PTPRD: variants seen among roughly 807,000 people sequenced by gnomAD.
The protein encoded by PTPRD is receptor-type tyrosine-protein phosphatase delta.
In PTPRD, 34 loss-of-function variants were observed where a neutral mutation model predicts 214.5. The ratio of observed to expected loss-of-function variants is 0.16; its 90% CI spans 0.12 to 0.21. The LOEUF (loss-of-function observed/expected upper bound fraction) is 0.21. PTPRD is among the 10% of genes least tolerant of loss of function. The probability of loss-of-function intolerance (pLI) is 1.00; values close to 1 mark genes in which losing one functional copy is unlikely to be tolerated. For synonymous variants in PTPRD, 1,128 were observed against 845.7 expected, an observed-to-expected ratio of 1.33 and a Z score of -5.79; for missense variants, 2,545 against 2,398.7, an observed-to-expected ratio of 1.06 and a Z score of -1.27.
chr9:8,795,342 T>C (rs2096380314), intron 11 of PTPRD, among the ~76,000 whole-genome samples: 1 of 152,068 alleles, frequency 6.6e-6, no homozygotes, highest in South Asian at 2.1e-4. Context: ...TTTTTTCTAT[T>C]TTTTAGTAGA....
intron 3 of PTPRD, among the ~76,000 whole-genome samples, chr9:10,268,318 A>AATAATAATAATG (rs772093786): frequency 6.0e-5 from 8 of 134,310 alleles, no homozygotes. Context: ...TAATAATAAT[A>AATAATAATAATG]ACGATAATAA....
chr9:8,396,491 A>C (rs1256314372), intron 36 of PTPRD, among the ~76,000 whole-genome samples: 2 of 151,658 alleles, frequency 1.3e-5, no homozygotes, highest in Non-Finnish European at 2.9e-5. Flanking sequence ...GATTCATTAG[A>C]GTAAGCTGCA....
At chr9:8,907,281 A>G (rs899524122) in intron 11 of PTPRD, among the ~76,000 whole-genome samples, 2 of 152,114 alleles carry the variant, frequency 1.3e-5, no homozygotes, top group African/African-American at 4.8e-5. Flanking sequence ...AGGCAAAGAA[A>G]CAAGACAATA....
At chr9:8,443,715 C>T (rs1289499223) in intron 34 of PTPRD, among the ~76,000 whole-genome samples, 2 of 152,106 alleles carry the variant, frequency 1.3e-5, no homozygotes, top group Non-Finnish European at 2.9e-5. Context: ...ACAGGGACAG[C>T]AGACACTTTA....
intron 2 of PTPRD, among the ~76,000 whole-genome samples, chr9:10,403,325 G>C (rs1664621050): frequency 6.9e-6 from 1 of 144,066 alleles, no homozygotes; most frequent in Non-Finnish European, 1.5e-5. Context: ...TGTAAAGATT[G>C]AATGAAAATC....
intron 37 of PTPRD, among the ~76,000 whole-genome samples, chr9:8,382,225 C>T (rs987003984): frequency 2.6e-5 from 4 of 152,226 alleles, no homozygotes; most frequent in Admixed American, 2.0e-4. Context: ...ACCAGTTGAA[C>T]ATCAGCCTTT....
At chr9:9,297,169 A>G (rs142697778) in intron 9 of PTPRD, among the ~76,000 whole-genome samples, 14 of 151,852 alleles carry the variant, frequency 9.2e-5, no homozygotes, top group African/African-American at 3.4e-4. Flanking sequence ...CTTTATCTCC[A>G]GAGCCTCTTG....
At chr9:8,372,168 A>T (rs914166902) in intron 39 of PTPRD, among the ~76,000 whole-genome samples, 1 of 152,134 alleles carries the variant, frequency 6.6e-6, no homozygotes, top group East Asian at 1.9e-4. Context: ...AAATATGTAC[A>T]TTTGAAAAAA....
chr9:8,449,538 C>T (rs74859721), intron 34 of PTPRD, among the ~76,000 whole-genome samples, 187 bp downstream of exon 34: 277 of 152,266 alleles, frequency 1.8e-3, no homozygotes, highest in African/African-American at 6.2e-3. Context: ...ACCCAATTTC[C>T]GGTTTGCAGA....
At chr9:9,166,531 T>C (rs1042434111) in intron 10 of PTPRD, among the ~76,000 whole-genome samples, 1 of 152,152 alleles carries the variant, frequency 6.6e-6, no homozygotes, top group Non-Finnish European at 1.5e-5. Flanking sequence ...CCCAAGGAAA[T>C]GCTTATGAAT....
At chr9:10,075,689 G>T (rs1185761738) in intron 3 of PTPRD, among the ~76,000 whole-genome samples, 1 of 151,068 alleles carries the variant, frequency 6.6e-6, no homozygotes, top group African/African-American at 2.4e-5. Flanking sequence ...GGGGGGGAGG[G>T]GGAAAATTGG....
intron 11 of PTPRD, among the ~76,000 whole-genome samples, chr9:8,737,053 C>T (rs138017866): frequency 2.3e-4 from 35 of 152,224 alleles, no homozygotes; most frequent in African/African-American, 7.2e-4. Context: ...ATAATGACTC[C>T]GTGTGATCAC....
intron 31 of PTPRD, among the ~76,000 whole-genome samples, chr9:8,468,799 A>G (rs1470875913): frequency 1.0e-4 from 1 of 10,050 alleles, no homozygotes; most frequent in African/African-American, 1.9e-4. Flanking sequence ...TCCATGGTAG[A>G]AAAAAAAAAA....
rs904185756 is a variant in PTPRD at position 9,936,192 on chromosome 9, C to A, written c.-368+2315G>T. On this transcript the variant is annotated intron_variant, in intron 5 of 45. Coordinates refer to ENST00000381196, the MANE Select transcript of PTPRD (RefSeq NM_002839.4). Reference sequence around the variant, plus strand: ...GGCAAGGACTTCATGTCTAAAACACCAAAAGCAATGGCAACAAAAGCCAAA... The same window carrying A: ...GGCAAGGACTTCATGTCTAAAACACAAAAAGCAATGGCAACAAAAGCCAAA... Among the ~76,000 whole-genome samples the A allele has an allele frequency of 6.1e-3, 909 of 148,574 alleles. 7 individuals are homozygous for A. Among genetic ancestry groups the A allele is most frequent in the Non-Finnish European group, 8.8e-3 (596 of 67,430 alleles).
chr9:9,637,085 G>C (rs994353104), intron 7 of PTPRD, among the ~76,000 whole-genome samples: 1 of 152,008 alleles, frequency 6.6e-6, no homozygotes, highest in African/African-American at 2.4e-5. Flanking sequence ...ATCTCCCAAA[G>C]GGCCCCACCT....
chr9:8,922,926 G>T (rs2098837870), intron 11 of PTPRD, among the ~76,000 whole-genome samples: 1 of 151,790 alleles, frequency 6.6e-6, no homozygotes, highest in South Asian at 2.1e-4. Context: ...GCCTCCCTAA[G>T]TGTTGGGATT....
intron 11 of PTPRD, among the ~76,000 whole-genome samples, chr9:8,904,591 G>T (rs769520599): frequency 6.6e-6 from 1 of 150,446 alleles, no homozygotes; most frequent in Non-Finnish European, 1.5e-5. Context: ...GGAATCGCTT[G>T]AACCCGGGAG....
intron 13 of PTPRD, 92 bp from the exon 14 acceptor site, chr9:8,633,550 G>T: frequency 1.4e-6 from 2 of 1,418,712 alleles, no homozygotes; most frequent in Non-Finnish European, 1.9e-6. Flanking sequence ...CCGCCATTAG[G>T]CTCATAATAA....
At chr9:9,826,667 G>T (rs2052974300) in intron 5 of PTPRD, among the ~76,000 whole-genome samples, 1 of 152,022 alleles carries the variant, frequency 6.6e-6, no homozygotes, top group Non-Finnish European at 1.5e-5. Context: ...AAAACTTTAA[G>T]CAAGATGTGT....
Sources: gnomAD v4.1 joint callset for allele counts (sites outside exome capture counted in the v4.1 genomes callset) on GRCh38, gnomAD v4.1.1 for gene constraint, MANE v1.5 for transcripts, NCBI Gene and HGNC (gene_info 2026-07-23, HGNC 2026-07-21) for gene names.